Variants in CSF2RA observed in about 807,000 individuals in gnomAD.
CSF2RA encodes granulocyte-macrophage colony-stimulating factor receptor subunit alpha.
CSF2RA carries 42 observed loss-of-function variants against 51.6 expected under a neutral mutation model. That is an observed-to-expected ratio of 0.81 (90% CI 0.64 to 1.05). The LOEUF is 1.05. CSF2RA is among the 50% of genes least tolerant of loss of function. The pLI is 0.00. For missense variants in CSF2RA, 530 were observed against 501.1 expected (o/e 1.06, Z -0.55); for synonymous variants, 222 against 193.0 (o/e 1.15, Z -1.24).
Position 1,291,315 on chromosome X carries a change from T to C in CSF2RA, c.646+806T>C, listed in dbSNP as rs1416329714. On this transcript the variant is annotated intron_variant, in intron 7 of 12. Coordinates refer to ENST00000381529, the MANE Select transcript of CSF2RA (RefSeq NM_172245.4). ...CTTCCTTCCTTCCCTCCCTCCCTCC[T>C]TTCCTTCCTTCCTTCCTCCTTCCCT... is the stretch of plus-strand genomic sequence containing the variant. Among the ~76,000 whole-genome samples the C allele has an allele frequency of 9.6e-5, 13 of 135,998 alleles. No homozygotes were observed. The East Asian group carries it at 3.3e-3, about 34-fold the overall frequency. 89.2% of individuals were successfully genotyped at this position (135,998 alleles called of 152,430 possible). A position where few individuals can be genotyped will look rare whatever the true frequency, so the allele number is the denominator to read the frequency against.
chrX:1,282,535 C>A (rs1182858991), intron 2 of CSF2RA, 143 bp from the exon 3 acceptor site: 2 of 731,728 alleles, frequency 2.7e-6, no homozygotes, highest in Admixed American at 3.8e-5. Flanking sequence ...ACCTTCCCAG[C>A]TGGCCATGAC....
intron 10 of CSF2RA, among the ~76,000 whole-genome samples, chrX:1,302,492 A>T (rs1388162094): frequency 4.0e-5 from 6 of 151,590 alleles, no homozygotes; most frequent in African/African-American, 1.5e-4. Context: ...CCTGTAAGAA[A>T]TTTTTTTTGT....
At chrX:1,314,936 T>TGCCCAACCACACAGCATC (rs1569515131), downstream of CSF2RA, among the ~76,000 whole-genome samples, 1 of 21,706 alleles carries the variant, frequency 4.6e-5, no homozygotes, top group African/African-American at 1.9e-4. Context: ...CGCACTGCAC[T>TGCCCAACCACACAGCATC]TGCCCAACCC....
At chrX:1,301,602 T>TC (rs1201657842) in intron 10 of CSF2RA, among the ~76,000 whole-genome samples, 34 of 144,292 alleles carry the variant, frequency 2.4e-4, no homozygotes, top group Non-Finnish European at 4.4e-4. Context: ...TTTCTTTTTT[T>TC]TTTTTTTTTT....
the CSF2RA span, among the ~76,000 whole-genome samples, chrX:1,321,952 G>A: frequency 2.6e-5 from 4 of 151,914 alleles, no homozygotes; most frequent in African/African-American, 4.8e-5. Context: ...CCTGACCAAC[G>A]TGGTGAAACC....
the CSF2RA span, among the ~76,000 whole-genome samples, chrX:1,319,876 G>A: frequency 1.4e-5 from 2 of 139,602 alleles, no homozygotes; most frequent in Non-Finnish European, 3.1e-5. Context: ...CACCACGCCT[G>A]GCTAATTTGT....
At chrX:1,276,622 C>T (rs1188489644) in intron 2 of CSF2RA, among the ~76,000 whole-genome samples, 1 of 152,138 alleles carries the variant, frequency 6.6e-6, no homozygotes, top group Non-Finnish European at 1.5e-5. Flanking sequence ...GATCCACCCA[C>T]CTGAGCCTCT....
the CSF2RA span, among the ~76,000 whole-genome samples, chrX:1,322,884 C>G: frequency 6.6e-6 from 1 of 151,782 alleles, no homozygotes; most frequent in Admixed American, 6.6e-5. Context: ...AATCCCAGCA[C>G]TTTGGGAGGC....
chrX:1,288,424 G>A lies in CSF2RA; in HGVS notation c.220-95G>A, dbSNP rs141333770. The A allele has an allele frequency of 0.12, 130,249 of 1,093,524 alleles. 20,303 individuals carry two copies. Among genetic ancestry groups the A allele is most frequent in the East Asian group, 0.26 (9,574 of 36,972 alleles). The allele number at this position is 1,093,524 out of a possible 1,614,324, so 67.7% of individuals were successfully genotyped here. On this transcript the variant is annotated intron_variant, in intron 4 of 12. Coordinates refer to ENST00000381529, the MANE Select transcript of CSF2RA (RefSeq NM_172245.4). ...TTGAACCTGGAAGGCGGAGGTTGTA[G>A]TGAGCCGAGATCACGCCACTGCACT...
intron 9 of CSF2RA, 75 bp from the exon 10 acceptor site, chrX:1,300,416 C>T: frequency 6.4e-7 from 1 of 1,551,926 alleles, no homozygotes; most frequent in Non-Finnish European, 8.8e-7. Flanking sequence ...ACTTAAAAGA[C>T]AAAAGAACGA....
chrX:1,275,102 AAAAG>A (rs2089000253), intron 2 of CSF2RA, among the ~76,000 whole-genome samples: 1 of 151,418 alleles, frequency 6.6e-6, no homozygotes, highest in Non-Finnish European at 1.5e-5. Context: ...AAAAAAAAAA[AAAAG>A]AGCCGGCCGG....
chrX:1,281,590 A>G (rs1368342604), intron 2 of CSF2RA, among the ~76,000 whole-genome samples: 5 of 151,658 alleles, frequency 3.3e-5, no homozygotes, highest in African/African-American at 1.2e-4. Context: ...TGCATAAAGA[A>G]GTATCAAATA....
chrX:1,317,609 C>G, the CSF2RA span, among the ~76,000 whole-genome samples: 2 of 149,802 alleles, frequency 1.3e-5, no homozygotes. Flanking sequence ...GCTCTTGTCA[C>G]CCAGGCTGGA....
chrX:1,301,787 G>A (rs1225871700), intron 10 of CSF2RA, among the ~76,000 whole-genome samples: 3 of 148,294 alleles, frequency 2.0e-5, no homozygotes, highest in Non-Finnish European at 4.5e-5. Flanking sequence ...TTTTTTTTTA[G>A]TAGAGACAGG....
At chrX:1,288,696 A>C in intron 5 of CSF2RA, 54 bp downstream of exon 5, 1 of 1,613,938 alleles carries the variant, frequency 6.2e-7, no homozygotes, top group East Asian at 2.2e-5. Context: ...CCACCCCGCC[A>C]GCATCAAAGT....
rs2087947319 is a variant in CSF2RA at position 1,268,833 on chromosome X, CGA to C, written c.-132_-131del. 4.4e-6 allele frequency: 2 copies of C among 453,966 alleles called. No homozygotes were observed. Among genetic ancestry groups the C allele is most frequent in the Non-Finnish European group, 8.8e-6 (2 of 226,758 alleles). The allele number at this position is 453,966 out of a possible 1,614,324, so 28.1% of individuals were successfully genotyped here. A position where few individuals can be genotyped will look rare whatever the true frequency, so the allele number is the denominator to read the frequency against. On this transcript the variant is annotated 5_prime_UTR_variant, in exon 1 of 13. Transcript: ENST00000381529. Reference sequence around the variant, plus strand: ...GGAGCTACTCAGAAGCGGGAGTCTCCGAGAGAAGAAAAGCAGGTGGAAGGAGA... The same window carrying C: ...GGAGCTACTCAGAAGCGGGAGTCTCCGAGAAGAAAAGCAGGTGGAAGGAGA...
At chrX:1,282,031 TAAA>T (rs1202643478) in intron 2 of CSF2RA, 13 of 61,154 alleles carry the variant, frequency 2.1e-4, no homozygotes, top group African/African-American at 5.3e-4. Flanking sequence ...CTGTTTCTAC[TAAA>T]AAAAAAAAAA....
At chrX:1,309,230 G>T (rs377392505) in intron 12 of CSF2RA, among the ~76,000 whole-genome samples, 172 bp from the exon 13 acceptor site, 1 of 152,008 alleles carries the variant, frequency 6.6e-6, no homozygotes, top group Non-Finnish European at 1.5e-5. Flanking sequence ...CAGGAGAATC[G>T]CTTGAACCCG....
In CSF2RA at chrX:1,285,791, G is replaced by A. The variant is rs1350083429; in HGVS notation, c.90G>A (p.Val30=). 3.7e-6 allele frequency: 6 copies of A among 1,612,834 alleles called. No homozygotes were observed. The South Asian group carries it at 5.5e-5, about 15-fold the overall frequency. The stretch of plus-strand genomic sequence containing the variant: ...CGCTCCTTGCAGATCTGCGAACAGT[G>A]GCACCAGCCTCTAGTCTCAATGTGA... The part of the protein sequence containing the change: ...LIPEKSDLRT[V]APASSLNVRF... Residue 30 remains valine (V), a synonymous_variant, in exon 4 of 13, where the codon GTG becomes GTA. Transcript: ENST00000381529.
Sources: gnomAD v4.1 joint callset for allele counts (sites outside exome capture counted in the v4.1 genomes callset) on GRCh38, gnomAD v4.1.1 for gene constraint, MANE v1.5 for transcripts, NCBI Gene and HGNC (gene_info 2026-07-23, HGNC 2026-07-21) for gene names.